The following UCK2 variants were observed in gnomAD, a reference collection of about 807,000 sequenced individuals.
The protein encoded by UCK2 is uridine-cytidine kinase 2.
UCK2 carries 6 observed loss-of-function variants against 30.8 expected under a neutral mutation model. That is an observed-to-expected ratio of 0.19 (90% CI 0.11 to 0.38). UCK2 has a LOEUF of 0.38. Ranked by LOEUF, UCK2 falls within the 10% of genes least tolerant of loss-of-function variation. UCK2 has a pLI of 1.00. For synonymous variants in UCK2, 125 were observed against 133.6 expected, an observed-to-expected ratio of 0.94 and a Z score of 0.45; for missense variants, 210 against 339.8, an observed-to-expected ratio of 0.62 and a Z score of 3.00.
At chr1:165,874,140 CAA>C (rs1232198500) in intron 1 of UCK2, among the ~76,000 whole-genome samples, 1 of 151,924 alleles carries the variant, frequency 6.6e-6, no homozygotes, top group African/African-American at 2.4e-5. Context: ...ATTTTAAAAA[CAA>C]AAGAGACAGG....
At chr1:165,851,108 T>C (rs1393269173) in intron 1 of UCK2, among the ~76,000 whole-genome samples, 4 of 152,062 alleles carry the variant, frequency 2.6e-5, no homozygotes, top group Non-Finnish European at 5.9e-5. Context: ...GGGTGAATCT[T>C]GGGAAGGCAG....
intron 1 of UCK2, among the ~76,000 whole-genome samples, chr1:165,867,448 C>G (rs1655074211): frequency 6.6e-6 from 1 of 152,110 alleles, no homozygotes; most frequent in Non-Finnish European, 1.5e-5. Flanking sequence ...TTCGACCCAG[C>G]AATCAAAAAA....
intron 1 of UCK2, among the ~76,000 whole-genome samples, chr1:165,887,350 A>G (rs1192141945): frequency 1.3e-5 from 2 of 152,138 alleles, no homozygotes; most frequent in African/African-American, 2.4e-5. Context: ...AATTGCACCT[A>G]CTGTATGTTC....
intron 1 of UCK2, among the ~76,000 whole-genome samples, chr1:165,830,318 A>AT (rs1486263510): frequency 2.8e-5 from 3 of 107,152 alleles, no homozygotes; most frequent in South Asian, 7.3e-4. Context: ...TTTAATCTTT[A>AT]TTTTTTTTAT....
At chr1:165,872,855 C>T (rs947720069) in intron 1 of UCK2, among the ~76,000 whole-genome samples, 11 of 152,078 alleles carry the variant, frequency 7.2e-5, no homozygotes, top group African/African-American at 2.2e-4. Flanking sequence ...GGGATGTACA[C>T]GAAACTGAAA....
At chr1:165,902,992 G>A (rs1383719146) in intron 4 of UCK2, 190 bp from the exon 5 acceptor site, 3 of 447,622 alleles carry the variant, frequency 6.7e-6, no homozygotes, top group Non-Finnish European at 1.2e-5. Flanking sequence ...ACCATTGTAA[G>A]ATGTCAGAAT....
At chr1:165,842,289 C>T (rs1274694727) in intron 1 of UCK2, among the ~76,000 whole-genome samples, 1 of 152,154 alleles carries the variant, frequency 6.6e-6, no homozygotes, top group Non-Finnish European at 1.5e-5. Context: ...CTCCATTTGT[C>T]AGTGCTTCGC....
At chr1:165,847,052 C>T (rs919346647) in intron 1 of UCK2, among the ~76,000 whole-genome samples, 1 of 151,978 alleles carries the variant, frequency 6.6e-6, no homozygotes, top group Non-Finnish European at 1.5e-5. Flanking sequence ...GAGGCTGCTG[C>T]TGCTGTGAAG....
At chr1:165,835,739 A>T (rs1302964513) in intron 1 of UCK2, among the ~76,000 whole-genome samples, 1 of 152,096 alleles carries the variant, frequency 6.6e-6, no homozygotes, top group Non-Finnish European at 1.5e-5. Flanking sequence ...TTCCTCAATC[A>T]TATTTCAGTT....
chr1:165,827,737 A>C lies in UCK2; in HGVS notation c.-97A>C. On this transcript the variant is annotated 5_prime_UTR_variant, in exon 1 of 7. Coordinates refer to ENST00000367879, the MANE Select transcript of UCK2 (RefSeq NM_012474.5). ...AGCGGCCTCAGCCCCGGCAGCGCCC[A>C]GCGGCGGCTGCGGAAAGCGGAGGGA... The C allele has an allele frequency of 1.8e-6, 2 of 1,121,414 alleles. No homozygotes were observed. Among genetic ancestry groups the C allele is most frequent in the Non-Finnish European group, 2.3e-6 (2 of 871,652 alleles). 69.5% of individuals were successfully genotyped at this position (1,121,414 alleles called of 1,614,324 possible).
At chr1:165,835,038 C>T (rs1282166652) in intron 1 of UCK2, among the ~76,000 whole-genome samples, 1 of 152,086 alleles carries the variant, frequency 6.6e-6, no homozygotes, top group East Asian at 1.9e-4. Context: ...GGAGCAAGGG[C>T]TGTTTTGTCA....
Position 165,891,438 on chromosome 1 carries a change from C to G in UCK2, c.356+116C>G, listed in dbSNP as rs949327687. The G allele has an allele frequency of 3.4e-6, 3 of 882,420 alleles. No homozygotes were observed. In the African/African-American group the frequency reaches 5.0e-5, roughly 15 times the overall value. The allele number at this position is 882,420 out of a possible 1,614,324, so 54.7% of individuals were successfully genotyped here. On this transcript the variant is annotated intron_variant, in intron 3 of 6. Coordinates refer to ENST00000367879, the MANE Select transcript of UCK2 (RefSeq NM_012474.5). ...CTTCAGACCTCTGTCCTACCCCTGC[C>G]TAATGCCATTCCAGCTGGTCAGTGG... is the stretch of plus-strand genomic sequence containing the variant.
chr1:165,835,432 C>A (rs1171034114), intron 1 of UCK2, among the ~76,000 whole-genome samples: 2 of 150,366 alleles, frequency 1.3e-5, no homozygotes, highest in African/African-American at 2.5e-5. Flanking sequence ...AACTCCTGGC[C>A]TCAAGCGGTC....
At chr1:165,881,182 T>TAAAAAAAAAAAA (rs56886913) in intron 1 of UCK2, among the ~76,000 whole-genome samples, 2 of 92,846 alleles carry the variant, frequency 2.2e-5, no homozygotes, top group South Asian at 4.3e-4. Flanking sequence ...CAATAAAACT[T>TAAAAAAAAAAAA]AAAAAAAAAA....
intron 1 of UCK2, among the ~76,000 whole-genome samples, chr1:165,860,956 C>T (rs944280696): frequency 5.3e-5 from 8 of 152,046 alleles, no homozygotes; most frequent in Non-Finnish European, 8.8e-5. Context: ...AGCATCTGTC[C>T]AGTCTACTAT....
intron 1 of UCK2, among the ~76,000 whole-genome samples, chr1:165,872,509 C>T (rs1655222192): frequency 6.6e-6 from 1 of 152,200 alleles, no homozygotes; most frequent in Non-Finnish European, 1.5e-5. Context: ...TGGGGGCTAG[C>T]TGGGCATATA....
intron 1 of UCK2, among the ~76,000 whole-genome samples, chr1:165,851,320 C>T (rs565561368): frequency 7.0e-4 from 107 of 152,318 alleles, no homozygotes; most frequent in Non-Finnish European, 1.1e-3. Flanking sequence ...TTCTCAGCCT[C>T]TTGCCTTTGT....
At chr1:165,875,346 G>T (rs943837774) in intron 1 of UCK2, among the ~76,000 whole-genome samples, 1 of 152,164 alleles carries the variant, frequency 6.6e-6, no homozygotes, top group African/African-American at 2.4e-5. Context: ...GGACTATGTA[G>T]GGAAACTCTC....
At chr1:165,895,365 A>T in intron 3 of UCK2, 1 of 544,530 alleles carries the variant, frequency 1.8e-6, no homozygotes, top group Non-Finnish European at 2.3e-6. Context: ...AGTGAGTCCA[A>T]GATTGCGCCG....
Sources: allele counts gnomAD v4.1 joint callset (sites outside exome capture counted in the v4.1 genomes callset), GRCh38; gene constraint gnomAD v4.1.1; transcripts MANE v1.5; gene names NCBI Gene and HGNC (gene_info 2026-07-23, HGNC 2026-07-21).